Variants in ADAMTS2 observed in about 807,000 individuals in gnomAD.
ADAMTS2 encodes the protein A disintegrin and metalloproteinase with thrombospondin motifs 2.
A neutral mutation model predicts 123.0 loss-of-function variants in ADAMTS2; 50 were observed. The observed-to-expected ratio is 0.41, with a 90% CI of 0.32 to 0.51. The LOEUF is 0.51. ADAMTS2 is among the 20% of genes least tolerant of loss of function. ADAMTS2 has a pLI of 0.35. For missense variants in ADAMTS2, 1,494 were observed against 1,705.2 expected (o/e 0.88, Z 2.18); for synonymous variants, 678 against 695.4 (o/e 0.98, Z 0.39).
chr5:179,152,913 TCTCTGTTTCCTCATCTGTAAAATGGGA>T (rs1161307343), intron 9 of ADAMTS2, among the ~76,000 whole-genome samples: 1 of 151,908 alleles, frequency 6.6e-6, no homozygotes, highest in Non-Finnish European at 1.5e-5. Flanking sequence ...CCTCTCCGGG[TCTCTGTTTCCTCATCTGTAAAATGGGA>T]CTACTTTGCT....
intron 2 of ADAMTS2, among the ~76,000 whole-genome samples, chr5:179,283,945 G>T (rs28582693): frequency 0.69 from 81,971 of 119,506 alleles, 25,686 homozygotes; most frequent in South Asian, 0.77. Context: ...ATGGTCAGAT[G>T]ATTATTATTA....
chr5:179,193,551 C>T (rs1236544128), intron 4 of ADAMTS2, among the ~76,000 whole-genome samples: 1 of 152,194 alleles, frequency 6.6e-6, no homozygotes, highest in Non-Finnish European at 1.5e-5. Context: ...GACACAGCCT[C>T]TGTCATAGAA....
chr5:179,217,795 AGGGG>A (rs66559148), intron 3 of ADAMTS2, among the ~76,000 whole-genome samples: 1 of 91,634 alleles, frequency 1.1e-5, no homozygotes, highest in African/African-American at 3.5e-5. Context: ...GGATGGCGCA[AGGGG>A]GGGATGGGCA....
rs200221533 is a variant in ADAMTS2 at position 179,207,473 on chromosome 5, C to G, written c.891+40G>C. The G allele has an allele frequency of 3.2e-6, 3 of 938,202 alleles. No individual in the cohort carries two copies. In the East Asian group the frequency reaches 7.6e-5, roughly 24 times the overall value. The allele number at this position is 938,202 out of a possible 1,614,324, so 58.1% of individuals were successfully genotyped here. On this transcript the variant is annotated intron_variant, in intron 4 of 21. Transcript: ENST00000251582. ...CTGGCCTGCCCAGCCCCTGGTTGAC[C>G]CTCCCCGCCCCACCCTGCCCCCTCA...
At chr5:179,156,619 C>T (rs1343278301) in intron 6 of ADAMTS2, among the ~76,000 whole-genome samples, 1 of 152,092 alleles carries the variant, frequency 6.6e-6, no homozygotes, top group Non-Finnish European at 1.5e-5. Context: ...CGGCCTCCCA[C>T]AGTGCTGGGA....
At chr5:179,315,582 A>G (rs912065180) in intron 2 of ADAMTS2, among the ~76,000 whole-genome samples, 27 of 152,236 alleles carry the variant, frequency 1.8e-4, no homozygotes, top group Admixed American at 1.5e-3. Context: ...CTCCGGGGAC[A>G]CGAGCTGGGA....
intron 12 of ADAMTS2, 91 bp downstream of exon 12, chr5:179,137,678 C>T (rs1763089227): frequency 6.7e-7 from 1 of 1,501,564 alleles, no homozygotes; most frequent in Non-Finnish European, 8.9e-7. Context: ...GGCAGCCTTG[C>T]CCCATGCAGG....
chr5:179,205,761 T>TTATTATTAA (rs1225477117), intron 4 of ADAMTS2, among the ~76,000 whole-genome samples: 2 of 148,602 alleles, frequency 1.3e-5, no homozygotes, highest in Admixed American at 1.3e-4. Flanking sequence ...TTTATTGTTA[T>TTATTATTAA]TATTATTATT....
intron 2 of ADAMTS2, among the ~76,000 whole-genome samples, chr5:179,291,250 A>G (rs1375904666): frequency 1.3e-5 from 2 of 152,192 alleles, no homozygotes; most frequent in African/African-American, 4.8e-5. Context: ...GGGCTCCTGC[A>G]TCGGCTGTGG....
chr5:179,309,284 AT>A (rs1756757467), intron 2 of ADAMTS2, among the ~76,000 whole-genome samples: 1 of 152,316 alleles, frequency 6.6e-6, no homozygotes, highest in Non-Finnish European at 1.5e-5. Context: ...GCCTGGGGCC[AT>A]TGGTGGATAG....
chr5:179,203,856 G>C (rs1223698879), intron 4 of ADAMTS2, among the ~76,000 whole-genome samples: 1 of 150,888 alleles, frequency 6.6e-6, no homozygotes, highest in African/African-American at 2.5e-5. Flanking sequence ...TTCTACTTAT[G>C]GGCATATAGT....
intron 3 of ADAMTS2, among the ~76,000 whole-genome samples, chr5:179,221,197 T>C (rs1765117072): frequency 1.3e-5 from 2 of 152,104 alleles, no homozygotes; most frequent in African/African-American, 4.8e-5. Flanking sequence ...TCCTGTTTCT[T>C]CTTCATGGTA....
rs369103474 is a variant in ADAMTS2, at chr5:179,117,744, G to A, written c.3179-3420C>T. Among the ~76,000 whole-genome samples, 9 of 152,128 alleles carry A rather than the reference G, an allele frequency of 5.9e-5. No individual in the cohort carries two copies. Among genetic ancestry groups the A allele is most frequent in the African/African-American group, 2.2e-4 (9 of 41,508 alleles). ...GTAGAGACGGGGTTTCGCTATGTTG[G>A]TCAGGCTGGTCTTGAACTCCTGACC... is the stretch of plus-strand genomic sequence containing the variant. On this transcript the variant is annotated intron_variant, in intron 21 of 21. Coordinates refer to ENST00000251582, the MANE Select transcript of ADAMTS2 (RefSeq NM_014244.5). This position sits in a 1 kb window ranked among gnomAD's most constrained non-coding sequence, Gnocchi z 4.2.
rs1763797469 is a variant in ADAMTS2 at position 179,170,634 on chromosome 5, G to T, written c.975+10438C>A. Among the ~76,000 whole-genome samples the T allele has an allele frequency of 6.6e-6, 1 of 152,058 alleles. No homozygotes were observed. The highest frequency in any genetic ancestry group is 2.1e-4 in the South Asian group (1 of 4,818). Reference sequence around the variant, plus strand: ...CTGTTCCCTTGGACACAGGAGCTAGGCCTTTTGCCCCCAGATCTTGGCTGG... The same window carrying T: ...CTGTTCCCTTGGACACAGGAGCTAGTCCTTTTGCCCCCAGATCTTGGCTGG... On this transcript the variant is annotated intron_variant, in intron 5 of 21. Transcript: ENST00000251582. This position sits in a 1 kb window ranked among gnomAD's most constrained non-coding sequence, Gnocchi z 4.3.
rs528755270 is a variant in ADAMTS2 at position 179,285,871 on chromosome 5, G to A, written c.535-12807C>T. On this transcript the variant is annotated intron_variant, in intron 2 of 21. Coordinates refer to ENST00000251582, the MANE Select transcript of ADAMTS2 (RefSeq NM_014244.5). This position sits in a 1 kb window ranked among gnomAD's most constrained non-coding sequence, Gnocchi z 4.9. ...CCACAGCAGATTGTGGCCTTGAGAC[G>A]TGTGGTGGAGGAGAGCTCATGGAAT... Among the ~76,000 whole-genome samples, 3 of 152,162 alleles carry A rather than the reference G, an allele frequency of 2.0e-5. No individual in the cohort carries two copies. Among genetic ancestry groups the A allele is most frequent in the Non-Finnish European group, 2.9e-5 (2 of 68,032 alleles).
At chr5:179,321,582 G>A (rs1005968725) in intron 2 of ADAMTS2, among the ~76,000 whole-genome samples, 1 of 152,118 alleles carries the variant, frequency 6.6e-6, no homozygotes, top group Non-Finnish European at 1.5e-5. Flanking sequence ...CATGGTGGGG[G>A]GCCAAGGAGC....
intron 2 of ADAMTS2, among the ~76,000 whole-genome samples, chr5:179,299,069 T>C (rs548648117): frequency 9.1e-4 from 138 of 152,060 alleles, no homozygotes; most frequent in Non-Finnish European, 1.8e-3. Context: ...ATGAAGCCAG[T>C]GCTCCAGTCA....
rs532475425 is a variant in ADAMTS2, at chr5:179,301,873, G to A, written c.535-28809C>T. 1.8e-4 allele frequency among the ~76,000 whole-genome samples: 27 copies of A among 152,356 alleles called. No homozygotes were observed. The South Asian group carries it at 3.7e-3, about 21-fold the overall frequency. On this transcript the variant is annotated intron_variant, in intron 2 of 21. Transcript: ENST00000251582. ...GCCGGAGAGCCGGTGGCAGCAGGGC[G>A]TGCGGGATGCCCCGCTCACAGCGTG...
intron 10 of ADAMTS2, among the ~76,000 whole-genome samples, chr5:179,144,295 A>G (rs570907774): frequency 6.6e-6 from 1 of 152,242 alleles, no homozygotes; most frequent in South Asian, 2.1e-4. Context: ...TTCTAAGTAA[A>G]TGGAAAGACA....
Sources: allele counts gnomAD v4.1 joint callset (sites outside exome capture counted in the v4.1 genomes callset), GRCh38; gene constraint gnomAD v4.1.1; non-coding constraint Gnocchi (gnomAD v3.1); transcripts MANE v1.5; gene names NCBI Gene and HGNC (gene_info 2026-07-23, HGNC 2026-07-21).